Variants in ULK4 observed in about 807,000 individuals in gnomAD.
ULK4 encodes unc-51 like kinase 4.
ULK4 carries 133 observed loss-of-function variants against 160.6 expected under a neutral mutation model. The ratio of observed to expected loss-of-function variants is 0.83; its 90% CI spans 0.72 to 0.96. The LOEUF is 0.96. Among genes scored for constraint, ULK4 ranks in the 40% least tolerant of loss-of-function variants. ULK4 has a pLI of 0.00. For missense variants in ULK4, 1,580 were observed against 1,499.5 expected, an observed-to-expected ratio of 1.05 and a Z score of -0.89; for synonymous variants, 534 against 539.8, an observed-to-expected ratio of 0.99 and a Z score of 0.15.
intron 21 of ULK4, among the ~76,000 whole-genome samples, chr3:41,787,080 C>G (rs1158839230): frequency 1.3e-5 from 2 of 152,142 alleles, no homozygotes; most frequent in African/African-American, 4.8e-5. Context: ...AATAGCTACT[C>G]TACTTCAGCC....
intron 30 of ULK4, among the ~76,000 whole-genome samples, chr3:41,647,364 G>A (rs1450466446): frequency 6.6e-6 from 1 of 152,144 alleles, no homozygotes; most frequent in African/African-American, 2.4e-5. Context: ...TGTACAGATG[G>A]GTTTTTGGTG....
intron 35 of ULK4, among the ~76,000 whole-genome samples, chr3:41,381,930 G>A (rs1318074193): frequency 1.3e-5 from 2 of 152,054 alleles, no homozygotes; most frequent in Admixed American, 6.6e-5. Context: ...TCTGGACACA[G>A]GGGCTTCCTT....
intron 15 of ULK4, among the ~76,000 whole-genome samples, chr3:41,896,497 A>G (rs1698162727): frequency 6.6e-6 from 1 of 152,014 alleles, no homozygotes; most frequent in South Asian, 2.1e-4. Flanking sequence ...CAGGTGATCC[A>G]CCCACCTTGG....
At chr3:41,462,493 G>T (rs756922386) in intron 33 of ULK4, among the ~76,000 whole-genome samples, 5 of 152,152 alleles carry the variant, frequency 3.3e-5, no homozygotes, top group Non-Finnish European at 7.3e-5. Context: ...CCTCCTTCCT[G>T]CCTTACAGCA....
intron 32 of ULK4, among the ~76,000 whole-genome samples, chr3:41,533,236 C>T (rs1241427761): frequency 6.6e-6 from 1 of 152,156 alleles, no homozygotes; most frequent in African/African-American, 2.4e-5. Context: ...CAACAGTGAG[C>T]AAATATGTGT....
At position 41,564,295 on chromosome 3, in the gene ULK4, G is replaced by A. The variant is rs558850587; in HGVS notation, c.3226+1730C>T. ...TACCTGCTTGTATGAGGTGTCTGTC[G>A]GCCCCTTCTGGGAGGTGTCTGCCAG... On this transcript the variant is annotated intron_variant, in intron 32 of 36. Coordinates refer to ENST00000301831, the MANE Select transcript of ULK4 (RefSeq NM_017886.4). Among the ~76,000 whole-genome samples, 14 of 152,000 alleles carry A rather than the reference G, an allele frequency of 9.2e-5. No homozygotes were observed. The East Asian group carries it at 2.5e-3, about 27-fold the overall frequency.
At chr3:41,894,916 T>C (rs1002936698) in intron 16 of ULK4, among the ~76,000 whole-genome samples, 2 of 152,238 alleles carry the variant, frequency 1.3e-5, no homozygotes, top group East Asian at 1.9e-4. Context: ...CCACCTGGTA[T>C]GTTGCTTCTG....
chr3:41,438,361 G>T (rs2083083594), intron 34 of ULK4, among the ~76,000 whole-genome samples: 1 of 152,116 alleles, frequency 6.6e-6, no homozygotes, highest in South Asian at 2.1e-4. Flanking sequence ...GTGCTATGGT[G>T]AGCACTTTAA....
intron 31 of ULK4, among the ~76,000 whole-genome samples, chr3:41,612,529 C>T (rs2032736020): frequency 6.6e-6 from 1 of 152,180 alleles, no homozygotes; most frequent in South Asian, 2.1e-4. Flanking sequence ...TAGCACTGTG[C>T]CTCCTCAGTA....
intron 32 of ULK4, among the ~76,000 whole-genome samples, chr3:41,531,486 G>A (rs867500379): frequency 1.8e-5 from 2 of 108,770 alleles, no homozygotes; most frequent in African/African-American, 7.7e-5. Context: ...GAGGGGAGAG[G>A]AGAGGAGAGA....
At chr3:41,398,441 T>C (rs1436999167) in intron 34 of ULK4, among the ~76,000 whole-genome samples, 177 bp from the exon 35 acceptor site, 2 of 151,410 alleles carry the variant, frequency 1.3e-5, no homozygotes, top group Admixed American at 6.6e-5. Context: ...TGGAGTGCAG[T>C]GGTATGATCA....
chr3:41,935,400 A>AT (rs1174806013), intron 4 of ULK4, among the ~76,000 whole-genome samples: 40 of 146,742 alleles, frequency 2.7e-4, no homozygotes, highest in East Asian at 7.9e-4. Context: ...CTAAATTTGT[A>AT]TTTTTTTTTT....
chr3:41,369,701 T>C (rs1316376941), intron 35 of ULK4, among the ~76,000 whole-genome samples: 8 of 149,500 alleles, frequency 5.4e-5, no homozygotes, highest in African/African-American at 1.7e-4. Flanking sequence ...GGCTGAGGAA[T>C]GAGAATCCCT....
chr3:41,960,754 C>T (rs1206574068), intron 1 of ULK4, among the ~76,000 whole-genome samples: 1 of 152,156 alleles, frequency 6.6e-6, no homozygotes, highest in African/African-American at 2.4e-5. Context: ...CCATTACAGA[C>T]TTCCTAATAT....
intron 32 of ULK4, among the ~76,000 whole-genome samples, chr3:41,501,476 T>C (rs1359951892): frequency 6.6e-6 from 1 of 152,122 alleles, no homozygotes; most frequent in Admixed American, 6.5e-5. Context: ...CCAGCCTGGG[T>C]GACAGAGCAA....
chr3:41,339,879 T>C (rs1336166584), intron 35 of ULK4, among the ~76,000 whole-genome samples: 1 of 152,234 alleles, frequency 6.6e-6, no homozygotes, highest in Non-Finnish European at 1.5e-5. Context: ...TAATGTCTGA[T>C]GTTTTTCTCA....
chr3:41,404,015 A>G (rs1283759004), intron 34 of ULK4, among the ~76,000 whole-genome samples: 3 of 152,046 alleles, frequency 2.0e-5, no homozygotes, highest in Non-Finnish European at 4.4e-5. Context: ...GAGTCAGTCT[A>G]TTAGTGGTGA....
chr3:41,483,354 A>T (rs893668989), intron 32 of ULK4, among the ~76,000 whole-genome samples: 1 of 152,084 alleles, frequency 6.6e-6, no homozygotes, highest in Non-Finnish European at 1.5e-5. Flanking sequence ...AGTTTTAGGC[A>T]TTATCTACTG....
chr3:41,663,506 A>T, intron 30 of ULK4, 101 bp downstream of exon 30: 2 of 1,094,478 alleles, frequency 1.8e-6, no homozygotes, highest in Non-Finnish European at 2.7e-6. Flanking sequence ...GACAACTCAA[A>T]CATTAGTCTT....
Sources: allele counts gnomAD v4.1 joint callset (sites outside exome capture counted in the v4.1 genomes callset), GRCh38; gene constraint gnomAD v4.1.1; transcripts MANE v1.5; gene names NCBI Gene and HGNC (gene_info 2026-07-23, HGNC 2026-07-21).